Variants in UTRN observed in about 807,000 individuals in gnomAD.
The protein encoded by UTRN is dystrophin-related protein 1.
In UTRN, 283 loss-of-function variants were observed where a neutral mutation model predicts 463.9. The ratio of observed to expected loss-of-function variants is 0.61; its 90% confidence interval spans 0.55 to 0.67. The LOEUF is 0.67. Ranked by LOEUF, UTRN falls within the 30% of genes least tolerant of loss-of-function variation. The pLI, the probability that UTRN is intolerant of heterozygous loss-of-function variation, is 0.00. For synonymous variants in UTRN, 1,442 were observed against 1,431.5 expected, an observed-to-expected ratio of 1.01 and a Z score of -0.17; for missense variants, 3,922 against 4,084.3, an observed-to-expected ratio of 0.96 and a Z score of 1.08.
intron 45 of UTRN, among the ~76,000 whole-genome samples, chr6:144,540,321 A>G (rs1485204622): frequency 6.6e-6 from 1 of 152,070 alleles, no homozygotes; most frequent in Non-Finnish European, 1.5e-5. Context: ...TCTGTATAGG[A>G]CATTGAATGG....
chr6:144,359,812 C>A (rs1280348701), intron 2 of UTRN, among the ~76,000 whole-genome samples: 1 of 150,262 alleles, frequency 6.7e-6, no homozygotes, highest in African/African-American at 2.5e-5. Flanking sequence ...TACATTTCAT[C>A]GCTTGATGTT....
At chr6:144,814,012 T>G (rs4895655) in intron 65 of UTRN, among the ~76,000 whole-genome samples, 47,974 of 152,034 alleles carry the variant, frequency 0.32, 8,193 homozygotes, top group Admixed American at 0.47. Context: ...TCCAAACTGT[T>G]CCTACGTGCT....
rs541170924 is a variant in UTRN, at chr6:144,705,075, T to C, written c.7809+4832T>C. Among the ~76,000 whole-genome samples the C allele has an allele frequency of 2.0e-5, 3 of 152,312 alleles. No individual in the cohort carries two copies. In the South Asian group the frequency reaches 6.2e-4, roughly 32 times the overall value. Reference sequence around the variant, plus strand: ...GAAAGTCCAGTGTCACATTTTTTAATGTGAGACACAAGATCTGTAATGTAG... The same window carrying C: ...GAAAGTCCAGTGTCACATTTTTTAACGTGAGACACAAGATCTGTAATGTAG... On this transcript the variant is annotated intron_variant, in intron 53 of 74. Transcript: ENST00000367545.
At chr6:144,772,913 C>G (rs1794241247) in intron 59 of UTRN, among the ~76,000 whole-genome samples, 1 of 151,238 alleles carries the variant, frequency 6.6e-6, no homozygotes, top group African/African-American at 2.4e-5. Flanking sequence ...AAGCCTCCCT[C>G]TCCCATTTCA....
Position 144,474,721 on chromosome 6 carries a change from GGTGACTACCAA to G in UTRN, c.3299_3309del (p.Gly1100AspfsTer7). 1 of 1,613,844 alleles carries G rather than the reference GGTGACTACCAA, an allele frequency of 6.2e-7. No homozygotes were observed. The highest frequency in any genetic ancestry group is 8.5e-7 in the Non-Finnish European group (1 of 1,179,918). ...AAAAACTTGGGTGCAGACAAGACTA[GGTGACTACCAA>G]ACTCAACTGGAGAAACTTAGCAAGG... is the stretch of plus-strand genomic sequence containing the variant. On this transcript the variant is annotated frameshift_variant, in exon 25 of 75. Transcript: ENST00000367545. LOFTEE classifies it high-confidence loss of function.
intron 65 of UTRN, among the ~76,000 whole-genome samples, chr6:144,817,279 G>T (rs757312875): frequency 1.3e-4 from 20 of 152,168 alleles, no homozygotes; most frequent in Non-Finnish European, 1.9e-4. Context: ...AATGGGATCT[G>T]CAAAATCTGT....
chr6:144,387,746 T>A (rs1781540771), intron 2 of UTRN, among the ~76,000 whole-genome samples: 1 of 152,216 alleles, frequency 6.6e-6, no homozygotes, highest in Non-Finnish European at 1.5e-5. Context: ...GGAGCTTAGC[T>A]CCCGATACAT....
intron 52 of UTRN, among the ~76,000 whole-genome samples, chr6:144,685,354 C>G (rs569014025): frequency 1.3e-5 from 2 of 152,230 alleles, no homozygotes; most frequent in East Asian, 1.9e-4. Context: ...GTGCCAGTGT[C>G]TTTTTGACAT....
In UTRN at chr6:144,754,746, G is replaced by T. The variant is rs1305286681; in HGVS notation, c.8382G>T (p.Gln2794His). 6.2e-7 allele frequency: 1 copy of T among 1,613,532 alleles called. No homozygotes were observed. Residue 2794 changes from glutamine (Q) to histidine (H), a missense_variant, in exon 57 of 75, where the codon CAG becomes CAT. Coordinates refer to ENST00000367545, the MANE Select transcript of UTRN (RefSeq NM_007124.3). The stretch of plus-strand genomic sequence containing the variant: ...TTTCTGTGGATGATCGCCTTAAACA[G>T]CTTCAGGAAGCCCACAGAGATTTTG... Reference protein sequence around the residue: ...LQVSVDDRLKQLQEAHRDFGP... With the variant: ...LQVSVDDRLKHLQEAHRDFGP...
chr6:144,813,195 A>ATT (rs139265936), intron 65 of UTRN, among the ~76,000 whole-genome samples: 3 of 150,424 alleles, frequency 2.0e-5, no homozygotes, highest in African/African-American at 7.4e-5. Flanking sequence ...TTATTTATTT[A>ATT]TTTATTTTTT....
At chr6:144,681,154 C>G (rs1436730335) in intron 52 of UTRN, among the ~76,000 whole-genome samples, 1 of 152,144 alleles carries the variant, frequency 6.6e-6, no homozygotes, top group African/African-American at 2.4e-5. Flanking sequence ...GTTGTTAAGA[C>G]ACTGGTGAGA....
At chr6:144,398,533 T>C in intron 2 of UTRN, 3 of 267,454 alleles carry the variant, frequency 1.1e-5, no homozygotes, top group South Asian at 1.1e-4. Flanking sequence ...AGTCTGGATA[T>C]CAGGATCATT....
intron 73 of UTRN, among the ~76,000 whole-genome samples, chr6:144,844,246 C>G (rs138441218): frequency 1.5e-4 from 23 of 151,954 alleles, no homozygotes; most frequent in African/African-American, 5.3e-4. Context: ...AGACTCAGTG[C>G]CCAGTGCATG....
At chr6:144,517,983 T>C (rs893720678) in intron 39 of UTRN, among the ~76,000 whole-genome samples, 39 of 152,338 alleles carry the variant, frequency 2.6e-4, no homozygotes, top group African/African-American at 9.4e-4. Context: ...TCCTCACATA[T>C]CTTCTCACAT....
Position 144,548,806 on chromosome 6 carries a change from C to G in UTRN, c.6762C>G (p.Val2254=). 6.2e-7 allele frequency: 1 copy of G among 1,614,008 alleles called. No homozygotes were observed. The highest frequency in any genetic ancestry group is 8.5e-7 in the Non-Finnish European group (1 of 1,179,966). The change falls in exon 47 of 75, where the codon GTC becomes GTG. Residue 2254 remains valine, a synonymous_variant. Coordinates refer to ENST00000367545, the MANE Select transcript of UTRN (RefSeq NM_007124.3). ...ACCAGATGCTGAAGTCCAACATTGT[C>G]ACTGTTGGGGATGTAGAAGAGATCA... ...LIDQMLKSNI[V]TVGDVEEINK...
chr6:144,352,655 T>C (rs1224161255), intron 2 of UTRN, among the ~76,000 whole-genome samples: 1 of 152,228 alleles, frequency 6.6e-6, no homozygotes, highest in Non-Finnish European at 1.5e-5. Flanking sequence ...TGAGATTGCA[T>C]TCTGTATATT....
intron 51 of UTRN, 34 bp downstream of exon 51, chr6:144,577,322 T>A: frequency 6.2e-6 from 10 of 1,602,162 alleles, no homozygotes; most frequent in African/African-American, 1.3e-5. Flanking sequence ...AGTACCTGTG[T>A]TTGCCCTGTG....
At chr6:144,556,899 A>C (rs1382598427) in intron 49 of UTRN, among the ~76,000 whole-genome samples, 1 of 152,212 alleles carries the variant, frequency 6.6e-6, no homozygotes, top group Non-Finnish European at 1.5e-5. Flanking sequence ...AGGAAGGAAA[A>C]TATCTCAAAA....
intron 43 of UTRN, among the ~76,000 whole-genome samples, chr6:144,536,520 A>AT (rs1797548763): frequency 6.6e-6 from 1 of 152,078 alleles, no homozygotes; most frequent in East Asian, 1.9e-4. Flanking sequence ...AGTGATTTTC[A>AT]TTTTTTTAAA....
Sources: allele counts gnomAD v4.1 joint callset (sites outside exome capture counted in the v4.1 genomes callset), GRCh38; gene constraint gnomAD v4.1.1; transcripts MANE v1.5; gene names NCBI Gene and HGNC (gene_info 2026-07-23, HGNC 2026-07-21).